Variants in ATP9B observed in about 807,000 individuals in gnomAD.
ATP9B encodes ATPase phospholipid transporting 9B, also known as probable phospholipid-transporting ATPase IIB.
Under a neutral mutation model 146.1 loss-of-function variants are expected in ATP9B, and 110 were observed. The ratio of observed to expected loss-of-function variants is 0.75; its 90% confidence interval spans 0.65 to 0.88. The LOEUF is 0.88. ATP9B is among the 40% of genes least tolerant of loss of function. The pLI is 0.00. For missense variants in ATP9B, 1,499 were observed against 1,496.4 expected, an observed-to-expected ratio of 1.00 and a Z score of -0.03; for synonymous variants, 604 against 569.7, an observed-to-expected ratio of 1.06 and a Z score of -0.86.
At chr18:79,160,438 A>G (rs1568302865) in intron 7 of ATP9B, among the ~76,000 whole-genome samples, 1 of 152,214 alleles carries the variant, frequency 6.6e-6, no homozygotes, top group African/African-American at 2.4e-5. Context: ...GTCCTGTTTT[A>G]CAAATGTGTA....
chr18:79,346,213 G>A (rs369994049), intron 23 of ATP9B, among the ~76,000 whole-genome samples: 43 of 145,758 alleles, frequency 3.0e-4, no homozygotes, highest in African/African-American at 9.0e-4. Flanking sequence ...GCACACACTC[G>A]GTCAGCGCAC....
At chr18:79,131,304 A>G (rs2094374209) in intron 5 of ATP9B, among the ~76,000 whole-genome samples, 1 of 152,260 alleles carries the variant, frequency 6.6e-6, no homozygotes, top group African/African-American at 2.4e-5. Flanking sequence ...GGATACATAA[A>G]GAACTCTTAC....
At chr18:79,270,946 G>T (rs2096247644) in intron 12 of ATP9B, among the ~76,000 whole-genome samples, 1 of 152,126 alleles carries the variant, frequency 6.6e-6, no homozygotes, top group Non-Finnish European at 1.5e-5. Flanking sequence ...CACAGCACCT[G>T]GTCCTGGGGG....
At chr18:79,259,366 A>G (rs536027359) in intron 12 of ATP9B, among the ~76,000 whole-genome samples, 14 of 152,284 alleles carry the variant, frequency 9.2e-5, no homozygotes, top group African/African-American at 3.1e-4. Context: ...GAAATGCTAT[A>G]TACCATTGTA....
intron 8 of ATP9B, among the ~76,000 whole-genome samples, chr18:79,187,408 T>C (rs1303487481): frequency 1.3e-5 from 2 of 152,204 alleles, no homozygotes; most frequent in African/African-American, 4.8e-5. Flanking sequence ...TGGTGAGTAC[T>C]TGGACTCAAA....
chr18:79,287,310 T>G lies in ATP9B; in HGVS notation c.1411+10114T>G, dbSNP rs547845700. 5.9e-5 allele frequency among the ~76,000 whole-genome samples: 9 copies of G among 152,372 alleles called. No homozygotes were observed. In the South Asian group the frequency reaches 1.9e-3, roughly 32 times the overall value. On this transcript the variant is annotated intron_variant, in intron 13 of 29. Coordinates refer to ENST00000426216, the MANE Select transcript of ATP9B (RefSeq NM_198531.5). ...ACAATTTCAGAGCCTGTTATTGGTC[T>G]ATTCAGAGATTCAACTTCTTCCTGG...
chr18:79,288,710 T>G (rs1242976191), intron 13 of ATP9B, among the ~76,000 whole-genome samples: 2 of 152,192 alleles, frequency 1.3e-5, no homozygotes, highest in East Asian at 1.9e-4. Context: ...TTCGTAGACT[T>G]GATGGTCTTT....
chr18:79,204,339 G>A (rs2095515593), intron 9 of ATP9B, among the ~76,000 whole-genome samples: 1 of 152,120 alleles, frequency 6.6e-6, no homozygotes, highest in Non-Finnish European at 1.5e-5. Context: ...ATTACCATTA[G>A]TATGAAACTA....
Position 79,110,455 on chromosome 18 carries a change from A to G in ATP9B, c.394A>G (p.Arg132Gly). Residue 132 changes from arginine to glycine, a missense_variant, in exon 3 of 30, where the codon AGG becomes GGG. By Grantham distance (125) the Arg-to-Gly change is moderately radical (BLOSUM62 -2). Coordinates refer to ENST00000426216, the MANE Select transcript of ATP9B (RefSeq NM_198531.5). Reference sequence around the variant, plus strand: ...TGAAAAGTGTGAAGAAAAACATCCCAGGAATTCTATAAAAAATCAAAAATA... The same window carrying G: ...TGAAAAGTGTGAAGAAAAACATCCCGGGAATTCTATAAAAAATCAAAAATA... ...CPEKCEEKHP[R>G]NSIKNQKYNV... 4 of 1,613,382 alleles carry G rather than the reference A, an allele frequency of 2.5e-6. No individual in the cohort carries two copies. Among genetic ancestry groups the G allele is most frequent in the African/African-American group, 1.3e-5 (1 of 75,064 alleles).
chr18:79,110,412 A>C lies in ATP9B; in HGVS notation c.351A>C (p.Thr117=), dbSNP rs617472. The C allele has an allele frequency of 4.0e-3, 6,414 of 1,611,524 alleles. 24 individuals carry two copies. The highest frequency in any genetic ancestry group is 0.016 in the Admixed American group (928 of 59,700). ...CRRKKELKAR[T]VWLGCPEKCE... is the part of the protein sequence containing the mutation. ...GAAAGAAAGAGCTGAAAGCTCGCAC[A>C]GTATGGCTTGGATGTCCTGAAAAGT... The change falls in exon 3 of 30, where the codon ACA becomes ACC. Residue 117 remains threonine, a synonymous_variant. Coordinates refer to ENST00000426216, the MANE Select transcript of ATP9B (RefSeq NM_198531.5).
chr18:79,231,778 G>GTGTATATATATA (rs1224214557), intron 11 of ATP9B, among the ~76,000 whole-genome samples: 3 of 121,296 alleles, frequency 2.5e-5, no homozygotes, highest in Admixed American at 8.2e-5. Context: ...GTGTGTGTGT[G>GTGTATATATATA]TATATATATA....
At chr18:79,197,283 A>G (rs1240508410) in intron 9 of ATP9B, among the ~76,000 whole-genome samples, 1 of 152,168 alleles carries the variant, frequency 6.6e-6, no homozygotes, top group African/African-American at 2.4e-5. Flanking sequence ...TTGGTAATGG[A>G]GACACTGCAT....
chr18:79,093,894 T>C (rs1463609755), intron 1 of ATP9B, among the ~76,000 whole-genome samples: 2 of 152,276 alleles, frequency 1.3e-5, no homozygotes, highest in African/African-American at 4.8e-5. Context: ...AATATGTTTT[T>C]CATACTGCAA....
At chr18:79,203,357 C>T (rs950243505) in intron 9 of ATP9B, among the ~76,000 whole-genome samples, 17 of 150,970 alleles carry the variant, frequency 1.1e-4, no homozygotes, top group African/African-American at 3.9e-4. Flanking sequence ...CCCGATACTT[C>T]GTAGAGGTAG....
intron 13 of ATP9B, among the ~76,000 whole-genome samples, chr18:79,282,277 G>C (rs1022629526): frequency 1.3e-5 from 2 of 152,230 alleles, no homozygotes; most frequent in African/African-American, 4.8e-5. Flanking sequence ...TGATAAAGCA[G>C]GGTCTGAGAG....
chr18:79,074,485 C>G (rs1053186123), intron 1 of ATP9B, among the ~76,000 whole-genome samples: 1 of 152,220 alleles, frequency 6.6e-6, no homozygotes, highest in Admixed American at 6.5e-5. Flanking sequence ...GGACTGGGCC[C>G]CTTATGTGGT....
At chr18:79,071,431 TGTTCTCCTGGCTGGAGTTA>T (rs1248620563) in intron 1 of ATP9B, among the ~76,000 whole-genome samples, 6 of 130,786 alleles carry the variant, frequency 4.6e-5, no homozygotes, top group Non-Finnish European at 9.6e-5. Flanking sequence ...GGTCTCACTC[TGTTCTCCTGGCTGGAGTTA>T]GTGATGCGAT....
intron 12 of ATP9B, among the ~76,000 whole-genome samples, chr18:79,259,855 A>G (rs1393985624): frequency 2.0e-5 from 3 of 152,210 alleles, no homozygotes; most frequent in African/African-American, 4.8e-5. Context: ...GGTTTTTGCT[A>G]ATTTACCAAA....
At chr18:79,102,707 A>T (rs765970916) in intron 2 of ATP9B, among the ~76,000 whole-genome samples, 2 of 152,118 alleles carry the variant, frequency 1.3e-5, no homozygotes, top group African/African-American at 2.4e-5. Context: ...TTGAACCTAT[A>T]TATTTTATTA....
Sources: allele counts gnomAD v4.1 joint callset (sites outside exome capture counted in the v4.1 genomes callset), GRCh38; gene constraint gnomAD v4.1.1; transcripts MANE v1.5; gene names NCBI Gene and HGNC (gene_info 2026-07-23, HGNC 2026-07-21).